The following XIRP2 variants were observed in gnomAD, a reference collection of about 807,000 sequenced individuals.
The protein encoded by XIRP2 is xin actin-binding repeat-containing protein 2.
A neutral mutation model predicts 277.0 loss-of-function variants in XIRP2; 236 were observed. The ratio of observed to expected loss-of-function variants is 0.85; its 90% CI spans 0.77 to 0.95. The LOEUF is 0.95. XIRP2 is among the 40% of genes least tolerant of loss of function. The probability of loss-of-function intolerance (pLI) is 0.00; values close to 1 mark genes in which losing one functional copy is unlikely to be tolerated. For synonymous variants in XIRP2, 1,490 were observed against 1,416.5 expected (o/e 1.05, Z -1.17); for missense variants, 4,640 against 4,157.5 (o/e 1.12, Z -3.19).
chr2:166,985,127 G>T (rs950674997), intron 2 of XIRP2, among the ~76,000 whole-genome samples: 1 of 152,142 alleles, frequency 6.6e-6, no homozygotes. Flanking sequence ...TAAAAACAGT[G>T]GTTGGGGTAA....
chr2:167,168,803 A>G (rs1298773703), intron 3 of XIRP2, among the ~76,000 whole-genome samples: 3 of 151,870 alleles, frequency 2.0e-5, no homozygotes, highest in African/African-American at 7.3e-5. Context: ...TTTAGTAGAG[A>G]TGGGGTTTCA....
chr2:167,251,497 C>A lies in XIRP2; in HGVS notation c.10105C>A (p.Arg3369Ser), dbSNP rs2105449659. 2 of 1,613,434 alleles carry A rather than the reference C, an allele frequency of 1.2e-6. No homozygotes were observed. The highest frequency in any genetic ancestry group is 1.7e-6 in the Non-Finnish European group (2 of 1,179,630). Residue 3369 changes from arginine (R) to serine (S), a missense_variant, in exon 9 of 11, where the codon CGT becomes AGT. By Grantham distance (110) the Arg-to-Ser change is moderately radical (BLOSUM62 -1). Coordinates refer to ENST00000409195, the MANE Select transcript of XIRP2 (RefSeq NM_152381.6). The stretch of plus-strand genomic sequence containing the variant: ...AAACCATAACATACAACAAGAAAGT[C>A]GTACATTTTGTAAGGAGGAATTTGG... The part of the protein sequence containing the change: ...ETNHNIQQES[R>S]TFCKEEFGLT...
At chr2:167,230,346 C>G (rs991540538) in intron 5 of XIRP2, among the ~76,000 whole-genome samples, 1 of 151,980 alleles carries the variant, frequency 6.6e-6, no homozygotes, top group Non-Finnish European at 1.5e-5. Context: ...AAACAAATAA[C>G]CCCCACCGTC....
At chr2:167,179,018 G>A (rs943856967) in intron 3 of XIRP2, among the ~76,000 whole-genome samples, 2 of 151,978 alleles carry the variant, frequency 1.3e-5, no homozygotes, top group African/African-American at 4.8e-5. Flanking sequence ...GATAGTAAAT[G>A]ACACAGGATA....
chr2:167,186,404 A>G (rs961920251), intron 3 of XIRP2, among the ~76,000 whole-genome samples: 2 of 152,196 alleles, frequency 1.3e-5, no homozygotes, highest in Non-Finnish European at 2.9e-5. Flanking sequence ...ATTTTATATG[A>G]AATAGAGTAT....
At position 167,249,254 on chromosome 2, in the gene XIRP2, T is replaced by G; in HGVS notation, c.7862T>G (p.Leu2621Arg). ...SPGSQSNARI[L>R]GVCSDNQLST... The stretch of plus-strand genomic sequence containing the variant: ...GGCTCTCAAAGTAATGCTCGGATAC[T>G]AGGAGTGTGTTCTGATAACCAACTC... The change falls in exon 9 of 11, where the codon CTA becomes CGA. Residue 2621 changes from leucine to arginine, a missense_variant. Coordinates refer to ENST00000409195, the MANE Select transcript of XIRP2 (RefSeq NM_152381.6). 9 of 1,613,772 alleles carry G rather than the reference T, an allele frequency of 5.6e-6. No homozygotes were observed. The highest frequency in any genetic ancestry group is 7.6e-6 in the Non-Finnish European group (9 of 1,179,802).
At chr2:167,077,975 C>T (rs145032707) in intron 2 of XIRP2, among the ~76,000 whole-genome samples, 4 of 152,144 alleles carry the variant, frequency 2.6e-5, no homozygotes, top group African/African-American at 9.6e-5. Context: ...TTTTTGATTG[C>T]GTATGAATTT....
At chr2:167,129,799 G>T (rs1321953469) in intron 2 of XIRP2, among the ~76,000 whole-genome samples, 1 of 151,002 alleles carries the variant, frequency 6.6e-6, no homozygotes, top group East Asian at 2.0e-4. Context: ...GAACCTGGGA[G>T]GCAGAGATTG....
chr2:166,939,068 A>G (rs533954605), intron 2 of XIRP2, among the ~76,000 whole-genome samples: 1 of 152,262 alleles, frequency 6.6e-6, no homozygotes, highest in East Asian at 1.9e-4. Context: ...ATGTCTTTCA[A>G]TTGGAGCATT....
At chr2:167,062,623 C>T (rs542643061) in intron 2 of XIRP2, among the ~76,000 whole-genome samples, 6 of 152,204 alleles carry the variant, frequency 3.9e-5, no homozygotes, top group Non-Finnish European at 8.8e-5. Context: ...TGGAATTTCA[C>T]CAAGGAAGAT....
intron 2 of XIRP2, among the ~76,000 whole-genome samples, chr2:166,908,480 A>G (rs190064603): frequency 1.3e-5 from 2 of 151,966 alleles, no homozygotes; most frequent in African/African-American, 4.8e-5. Flanking sequence ...TTTTCTTGTA[A>G]GTTTGTTTGA....
intron 3 of XIRP2, among the ~76,000 whole-genome samples, chr2:167,157,633 A>T (rs532595846): frequency 3.9e-4 from 59 of 152,268 alleles, no homozygotes; most frequent in African/African-American, 1.3e-3. Flanking sequence ...TACTTTTAGC[A>T]AAAGTATGAG....
intron 2 of XIRP2, among the ~76,000 whole-genome samples, chr2:167,115,398 T>C (rs148084882): frequency 5.3e-4 from 81 of 152,298 alleles, no homozygotes; most frequent in African/African-American, 1.9e-3. Flanking sequence ...GGGGAACTAA[T>C]GCATTCATTT....
chr2:167,145,852 G>C lies in XIRP2; in HGVS notation c.562+9790G>C, dbSNP rs547427841. Reference sequence around the variant, plus strand: ...TTCACACCTCTCAAATTGCCACTGTGAAGGACCACAATCAGTAACGGTGGA... The same window carrying C: ...TTCACACCTCTCAAATTGCCACTGTCAAGGACCACAATCAGTAACGGTGGA... On this transcript the variant is annotated intron_variant, in intron 3 of 10. Coordinates refer to ENST00000409195, the MANE Select transcript of XIRP2 (RefSeq NM_152381.6). 5.3e-5 allele frequency among the ~76,000 whole-genome samples: 8 copies of C among 152,262 alleles called. No homozygotes were observed. In the South Asian group the frequency reaches 1.2e-3, roughly 24 times the overall value.
chr2:167,089,322 G>A (rs1055774066), intron 2 of XIRP2, among the ~76,000 whole-genome samples: 1 of 151,996 alleles, frequency 6.6e-6, no homozygotes, highest in Non-Finnish European at 1.5e-5. Flanking sequence ...TTTCAAATCT[G>A]AATAACCATA....
chr2:167,087,682 TTGGG>T (rs1336127690), intron 2 of XIRP2, among the ~76,000 whole-genome samples: 3 of 152,220 alleles, frequency 2.0e-5, no homozygotes, highest in Admixed American at 6.5e-5. Context: ...AGCGCAGTAT[TTGGG>T]TGGCAGTGAC....
intron 3 of XIRP2, among the ~76,000 whole-genome samples, chr2:167,179,470 A>G (rs1692947565): frequency 6.6e-6 from 1 of 150,988 alleles, no homozygotes. Flanking sequence ...ACAGGGGTGC[A>G]CCACCACACC....
chr2:166,939,391 C>A (rs1474971820), intron 2 of XIRP2, among the ~76,000 whole-genome samples: 2 of 151,950 alleles, frequency 1.3e-5, no homozygotes, highest in Non-Finnish European at 2.9e-5. Context: ...GTTGAAAATT[C>A]TTTTCTTGGG....
intron 2 of XIRP2, among the ~76,000 whole-genome samples, chr2:167,046,929 A>T (rs1198175466): frequency 1.3e-5 from 2 of 152,018 alleles, no homozygotes; most frequent in Non-Finnish European, 2.9e-5. Flanking sequence ...CATGAAATAA[A>T]AGTTGAAAGA....
Sources: gnomAD v4.1 joint callset for allele counts (sites outside exome capture counted in the v4.1 genomes callset) on GRCh38, gnomAD v4.1.1 for gene constraint, MANE v1.5 for transcripts, NCBI Gene and HGNC (gene_info 2026-07-23, HGNC 2026-07-21) for gene names.